Variants in KCNJ15 observed in about 807,000 individuals in gnomAD.
KCNJ15 encodes the protein potassium inwardly rectifying channel subfamily J member 15, also known as ATP-sensitive inward rectifier potassium channel 15.
In KCNJ15, 14 loss-of-function variants were observed where a neutral mutation model predicts 23.0. The observed-to-expected ratio is 0.61, with a 90% CI of 0.40 to 0.95. KCNJ15 has a LOEUF of 0.95. Ranked by LOEUF, KCNJ15 falls within the 40% of genes least tolerant of loss-of-function variation. The pLI, the probability that KCNJ15 is intolerant of heterozygous loss-of-function variation, is 0.00. For synonymous variants in KCNJ15, 185 were observed against 183.2 expected (o/e 1.01, Z -0.08); for missense variants, 388 against 461.8 (o/e 0.84, Z 1.46).
chr21:38,288,339 C>A (rs1984205607), intron 1 of KCNJ15, among the ~76,000 whole-genome samples: 1 of 151,954 alleles, frequency 6.6e-6, no homozygotes, highest in African/African-American at 2.4e-5. Context: ...CCGCGCCCAG[C>A]CATAATTTGG....
chr21:38,241,060 G>A (rs1978961088), intron 1 of KCNJ15, among the ~76,000 whole-genome samples: 1 of 152,150 alleles, frequency 6.6e-6, no homozygotes, highest in Non-Finnish European at 1.5e-5. Flanking sequence ...GCAAATACAA[G>A]GAAGAATGCC....
At chr21:38,276,081 T>G (rs1336769965) in intron 1 of KCNJ15, among the ~76,000 whole-genome samples, 3 of 152,028 alleles carry the variant, frequency 2.0e-5, no homozygotes, top group East Asian at 3.9e-4. Context: ...CTAGTGAGTA[T>G]CAACTTTTAT....
chr21:38,240,555 G>A (rs1009994828), intron 1 of KCNJ15, among the ~76,000 whole-genome samples: 1 of 152,170 alleles, frequency 6.6e-6, no homozygotes, highest in Non-Finnish European at 1.5e-5. Flanking sequence ...CATCTGAGTT[G>A]TTGAATATCC....
intron 1 of KCNJ15, among the ~76,000 whole-genome samples, chr21:38,235,564 A>G (rs1034774910): frequency 1.3e-5 from 2 of 152,204 alleles, no homozygotes. Context: ...AAGCAAAAAA[A>G]CAAACAAAAA....
At position 38,239,391 on chromosome 21, in the gene KCNJ15, T is replaced by A. The variant is rs552491957; in HGVS notation, c.-398-17655T>A. Among the ~76,000 whole-genome samples the A allele has an allele frequency of 4.0e-3, 612 of 152,254 alleles. 4 individuals carry two copies. The highest frequency in any genetic ancestry group is 0.016 in the South Asian group (78 of 4,828). ...TCAGGGACCCCACCTCCCCAAAAAC[T>A]AGCAGTCTAGAGGACTCCCTTGGCA... On this transcript the variant is annotated intron_variant, in intron 1 of 4. Transcript: ENST00000547341.
chr21:38,250,460 C>G (rs1292566425), intron 1 of KCNJ15, among the ~76,000 whole-genome samples: 1 of 152,182 alleles, frequency 6.6e-6, no homozygotes, highest in Non-Finnish European at 1.5e-5. Context: ...CCAGCTAGCT[C>G]TTCCAGAGGC....
rs561737321 is a variant in KCNJ15, at chr21:38,269,883, C to A, written c.-117+12698C>A. 2.6e-5 allele frequency among the ~76,000 whole-genome samples: 4 copies of A among 152,166 alleles called. No homozygotes were observed. In the East Asian group the frequency reaches 7.8e-4, roughly 30 times the overall value. ...CACTGTAAAACACCACTGTTGCACCCTGGGGTTCTCTGTGGGATGCCCCTA... is the reference window on the plus strand; with the variant it reads ...CACTGTAAAACACCACTGTTGCACCATGGGGTTCTCTGTGGGATGCCCCTA... On this transcript the variant is annotated intron_variant, in intron 1 of 2. Transcript: ENST00000398938.
chr21:38,294,851 C>T (rs979095608), intron 1 of KCNJ15, among the ~76,000 whole-genome samples: 4 of 152,194 alleles, frequency 2.6e-5, no homozygotes, highest in African/African-American at 9.7e-5. Context: ...TAATCTTTTA[C>T]TGGTTTGAAG....
At chr21:38,244,323 C>T (rs756298867) in intron 1 of KCNJ15, among the ~76,000 whole-genome samples, 3 of 152,176 alleles carry the variant, frequency 2.0e-5, no homozygotes, top group Non-Finnish European at 4.4e-5. Context: ...CTGTATACAA[C>T]TTAGGACCAA....
intron 1 of KCNJ15, among the ~76,000 whole-genome samples, chr21:38,292,789 T>G (rs1349298807): frequency 6.6e-6 from 1 of 151,980 alleles, no homozygotes; most frequent in Non-Finnish European, 1.5e-5. Flanking sequence ...GCCAACATGG[T>G]GAAACCCCAT....
At chr21:38,281,875 A>C (rs1393153761) in intron 1 of KCNJ15, among the ~76,000 whole-genome samples, 3 of 151,878 alleles carry the variant, frequency 2.0e-5, no homozygotes, top group African/African-American at 4.9e-5. Context: ...GGACTAATTT[A>C]CATTTCCATC....
chr21:38,288,243 G>A (rs1984190602), intron 1 of KCNJ15, among the ~76,000 whole-genome samples: 1 of 151,418 alleles, frequency 6.6e-6, no homozygotes, highest in African/African-American at 2.4e-5. Context: ...GGGTTTCACC[G>A]TGTTAGCCAG....
In KCNJ15 at chr21:38,302,882, C is replaced by T. The variant is rs928696068; in HGVS notation, c.*2493C>T. ...CTCTACACACTCAAAACAAATATTGCAGCAGAAATATCACCTTAAAAATAT... is the reference window on the plus strand; with the variant it reads ...CTCTACACACTCAAAACAAATATTGTAGCAGAAATATCACCTTAAAAATAT... On this transcript the variant is annotated 3_prime_UTR_variant, in exon 3 of 3. Coordinates refer to ENST00000398938, the MANE Select transcript of KCNJ15 (RefSeq NM_170736.3). 1 of 152,228 alleles carries T rather than the reference C, an allele frequency of 6.6e-6. No individual in the cohort carries two copies. The highest frequency in any genetic ancestry group is 2.4e-5 in the African/African-American group (1 of 41,550). The allele number at this position is 152,228 out of a possible 1,614,324, so 9.4% of individuals were successfully genotyped here.
chr21:38,267,102 G>A lies in KCNJ15; in HGVS notation c.-117+9917G>A, dbSNP rs80320300. 1.6e-4 allele frequency among the ~76,000 whole-genome samples: 25 copies of A among 152,276 alleles called. No homozygotes were observed. In the East Asian group the frequency reaches 3.7e-3, roughly 22 times the overall value. On this transcript the variant is annotated intron_variant, in intron 1 of 2. Coordinates refer to ENST00000398938, the MANE Select transcript of KCNJ15 (RefSeq NM_170736.3). ...TGTGGGAAGGGGCAGGAGAGACACC[G>A]GTGCAAGGGAGATTCAGCAGGTGGA... is the stretch of plus-strand genomic sequence containing the variant.
At chr21:38,259,906 C>A (rs529116947) in intron 1 of KCNJ15, among the ~76,000 whole-genome samples, 1 of 152,132 alleles carries the variant, frequency 6.6e-6, no homozygotes, top group African/African-American at 2.4e-5. Flanking sequence ...AGCAGTGTGA[C>A]CCGGTAGTAG....
chr21:38,290,065 T>C (rs1445300090), intron 1 of KCNJ15, among the ~76,000 whole-genome samples: 1 of 152,190 alleles, frequency 6.6e-6, no homozygotes, highest in Non-Finnish European at 1.5e-5. Flanking sequence ...AACAGACAGA[T>C]GTGTAATGTT....
intron 1 of KCNJ15, among the ~76,000 whole-genome samples, chr21:38,262,663 G>A (rs1173312353): frequency 6.6e-6 from 1 of 151,890 alleles, no homozygotes; most frequent in Non-Finnish European, 1.5e-5. Context: ...TGATGTCATA[G>A]TGACATTGAC....
intron 1 of KCNJ15, among the ~76,000 whole-genome samples, chr21:38,275,657 T>C (rs1036290271): frequency 9.9e-5 from 15 of 152,200 alleles, no homozygotes; most frequent in African/African-American, 3.6e-4. Context: ...CTGATTTTAT[T>C]GTCCTGTGTC....
At chr21:38,280,214 GTA>G (rs1378650772) in intron 1 of KCNJ15, among the ~76,000 whole-genome samples, 1 of 152,166 alleles carries the variant, frequency 6.6e-6, no homozygotes, top group African/African-American at 2.4e-5. Flanking sequence ...CAGTTACACA[GTA>G]TAGAAGACAT....
Sources: gnomAD v4.1 joint callset for allele counts (sites outside exome capture counted in the v4.1 genomes callset) on GRCh38, gnomAD v4.1.1 for gene constraint, MANE v1.5 for transcripts, NCBI Gene and HGNC (gene_info 2026-07-23, HGNC 2026-07-21) for gene names.